TMEM108: variants seen among roughly 807,000 people sequenced by gnomAD.
The protein encoded by TMEM108 is cancer/testis antigen 124.
Under a neutral mutation model 35.1 loss-of-function variants are expected in TMEM108, and 12 were observed. That is an observed-to-expected ratio of 0.34 (90% confidence interval 0.22 to 0.55). The LOEUF is 0.55. Ranked by LOEUF, TMEM108 falls within the 20% of genes least tolerant of loss-of-function variation. The pLI, the probability that TMEM108 is intolerant of heterozygous loss-of-function variation, is 0.89. For synonymous variants in TMEM108, 287 were observed against 308.6 expected, an observed-to-expected ratio of 0.93 and a Z score of 0.73; for missense variants, 680 against 753.3, an observed-to-expected ratio of 0.90 and a Z score of 1.14.
intron 3 of TMEM108, among the ~76,000 whole-genome samples, chr3:133,351,990 C>T (rs2072015465): frequency 6.6e-6 from 1 of 152,162 alleles, no homozygotes; most frequent in African/African-American, 2.4e-5. Context: ...TTATCATATA[C>T]ACACACATAA....
intron 2 of TMEM108, among the ~76,000 whole-genome samples, chr3:133,187,369 T>C (rs1322023232): frequency 6.6e-6 from 1 of 152,158 alleles, no homozygotes; most frequent in African/African-American, 2.4e-5. Context: ...TAGATTGGTG[T>C]TATACGGAGC....
intron 2 of TMEM108, among the ~76,000 whole-genome samples, chr3:133,153,141 C>T (rs1317770659): frequency 6.6e-6 from 1 of 152,082 alleles, no homozygotes; most frequent in Non-Finnish European, 1.5e-5. Flanking sequence ...ATAAAACATT[C>T]CTCCTATACA....
intron 4 of TMEM108, chr3:133,388,374 T>C (rs1245996352): frequency 1.1e-6 from 1 of 945,062 alleles, no homozygotes; most frequent in East Asian, 1.3e-4. Context: ...GGCCACAGTT[T>C]TTCCTCTAGA....
At chr3:133,204,392 T>C (rs1218024220) in intron 2 of TMEM108, among the ~76,000 whole-genome samples, 3 of 152,200 alleles carry the variant, frequency 2.0e-5, no homozygotes, top group African/African-American at 7.2e-5. Flanking sequence ...ATTGTGATGA[T>C]AGGGTGTCAA....
chr3:133,107,435 C>T (rs992343064), intron 2 of TMEM108, among the ~76,000 whole-genome samples: 4 of 149,544 alleles, frequency 2.7e-5, no homozygotes, highest in Non-Finnish European at 4.4e-5. Context: ...TGTGGGTTAC[C>T]ACCAGGATGA....
chr3:133,200,208 T>A (rs4574291), intron 2 of TMEM108, among the ~76,000 whole-genome samples: 2 of 152,060 alleles, frequency 1.3e-5, no homozygotes, highest in African/African-American at 4.8e-5. Flanking sequence ...TTACCCCTTG[T>A]GCTTACCAGG....
intron 3 of TMEM108, among the ~76,000 whole-genome samples, chr3:133,320,680 A>G (rs2071255601): frequency 6.6e-6 from 1 of 152,226 alleles, no homozygotes; most frequent in Non-Finnish European, 1.5e-5. Context: ...AACCTGGGAA[A>G]TGCAACACAA....
intron 2 of TMEM108, among the ~76,000 whole-genome samples, chr3:133,175,836 G>T (rs112702153): frequency 6.6e-5 from 10 of 152,188 alleles, no homozygotes; most frequent in Admixed American, 4.6e-4. Context: ...AACCTTAAAT[G>T]TAAATGGGCT....
At chr3:133,185,015 T>C (rs557881497) in intron 2 of TMEM108, among the ~76,000 whole-genome samples, 6 of 152,316 alleles carry the variant, frequency 3.9e-5, no homozygotes, top group African/African-American at 1.4e-4. Flanking sequence ...ATATAGCTAA[T>C]TTGTAAAGGG....
intron 2 of TMEM108, among the ~76,000 whole-genome samples, chr3:133,074,570 A>G (rs999454546): frequency 6.6e-6 from 1 of 151,904 alleles, no homozygotes; most frequent in Non-Finnish European, 1.5e-5. Flanking sequence ...GCTCACTGCA[A>G]CCTCCTCCTC....
At chr3:133,343,086 C>A (rs1559914344) in intron 3 of TMEM108, among the ~76,000 whole-genome samples, 4 of 151,574 alleles carry the variant, frequency 2.6e-5, no homozygotes, top group Admixed American at 1.3e-4. Flanking sequence ...AGCAGCATTT[C>A]AAAAAGATAT....
chr3:133,047,281 CTATATCCTGTATATCCTGTATTTTAAAAG>C (rs1243240669), intron 2 of TMEM108, among the ~76,000 whole-genome samples: 4 of 152,170 alleles, frequency 2.6e-5, no homozygotes, highest in African/African-American at 7.2e-5. Flanking sequence ...TCAATTTCCT[CTATATCCTGTATATCCTGTATTTTAAAAG>C]TATATCCTGT....
At chr3:133,348,799 A>G (rs1293892345) in intron 3 of TMEM108, among the ~76,000 whole-genome samples, 1 of 152,192 alleles carries the variant, frequency 6.6e-6, no homozygotes, top group African/African-American at 2.4e-5. Context: ...AGGGGACCTG[A>G]GTGGCACACA....
At chr3:133,167,103 T>C (rs1279490867) in intron 2 of TMEM108, among the ~76,000 whole-genome samples, 1 of 152,176 alleles carries the variant, frequency 6.6e-6, no homozygotes, top group Non-Finnish European at 1.5e-5. Context: ...TTTACAATCC[T>C]TTAGCTAGAC....
intron 2 of TMEM108, among the ~76,000 whole-genome samples, chr3:133,089,526 A>G (rs1943923682): frequency 1.3e-5 from 2 of 152,238 alleles, no homozygotes; most frequent in African/African-American, 2.4e-5. Context: ...GTGGTGCTCT[A>G]TGGGCAGGTG....
At position 133,353,295 on chromosome 3, in the gene TMEM108, T is replaced by C. The variant is rs376754698; in HGVS notation, c.41-26457T>C. On this transcript the variant is annotated intron_variant, in intron 3 of 5. Transcript: ENST00000321871. ...CCACACATTCCAACCTCCATGAAGT[T>C]GAAGCTATGGAGTACAATCTAATGC... is the stretch of plus-strand genomic sequence containing the variant. Among the ~76,000 whole-genome samples the C allele has an allele frequency of 9.2e-5, 14 of 152,288 alleles. No homozygotes were observed. In the East Asian group the frequency reaches 1.2e-3, roughly 13 times the overall value.
At chr3:133,295,930 G>A (rs1947139005) in intron 3 of TMEM108, among the ~76,000 whole-genome samples, 1 of 152,172 alleles carries the variant, frequency 6.6e-6, no homozygotes, top group Admixed American at 6.6e-5. Flanking sequence ...CCAAAAAACG[G>A]TAACAGGACT....
At chr3:133,248,487 T>C (rs1484322245) in intron 3 of TMEM108, 1 of 152,244 alleles carries the variant, frequency 6.6e-6, no homozygotes, top group African/African-American at 2.4e-5. Flanking sequence ...TGTGTGTCTC[T>C]TGATGGAGTT....
intron 2 of TMEM108, among the ~76,000 whole-genome samples, chr3:133,060,437 A>G (rs895693166): frequency 2.0e-5 from 3 of 152,104 alleles, no homozygotes; most frequent in African/African-American, 7.2e-5. Flanking sequence ...AGAAAACTTC[A>G]TTGTTCAAGT....
Sources: gnomAD v4.1 joint callset for allele counts (sites outside exome capture counted in the v4.1 genomes callset) on GRCh38, gnomAD v4.1.1 for gene constraint, MANE v1.5 for transcripts, NCBI Gene and HGNC (gene_info 2026-07-23, HGNC 2026-07-21) for gene names.